Variants in PTGR2 observed in about 807,000 individuals in gnomAD.
PTGR2 encodes the protein 15-oxoprostaglandin 13-reductase.
Under a neutral mutation model 43.4 loss-of-function variants are expected in PTGR2, and 32 were observed. The observed-to-expected ratio is 0.74, with a 90% CI of 0.56 to 0.99. The LOEUF is 0.99. Ranked by LOEUF, PTGR2 falls within the 50% of genes least tolerant of loss-of-function variation. The pLI, the probability that PTGR2 is intolerant of heterozygous loss-of-function variation, is 0.00. For missense variants in PTGR2, 373 were observed against 420.0 expected, an observed-to-expected ratio of 0.89 and a Z score of 0.98; for synonymous variants, 106 against 139.2, an observed-to-expected ratio of 0.76 and a Z score of 1.68.
At chr14:73,870,464 G>A (rs2054702330) in intron 3 of PTGR2, among the ~76,000 whole-genome samples, 1 of 152,070 alleles carries the variant, frequency 6.6e-6, no homozygotes, top group Admixed American at 6.6e-5. Context: ...ACAGACATGA[G>A]CCACCACACC....
At chr14:73,854,651 G>C (rs533427316) in intron 1 of PTGR2, among the ~76,000 whole-genome samples, 1 of 152,240 alleles carries the variant, frequency 6.6e-6, no homozygotes, top group Non-Finnish European at 1.5e-5. Flanking sequence ...ATTTCATTTG[G>C]AAAGACTGCT....
Position 73,874,121 on chromosome 14 carries a change from C to A in PTGR2, c.255C>A (p.Ser85Arg), listed in dbSNP as rs1348862536. Residue 85 changes from serine (S) to arginine (R), a missense_variant, in exon 4 of 10, where the codon AGC becomes AGA. By Grantham distance (110) the Ser-to-Arg change is moderately radical (BLOSUM62 -1). Transcript: ENST00000555661. ...DGGGIGIIEE[S>R]KHTNLTKGDF... ...GAGGTATTGGAATTATAGAAGAAAGCAAACACACAAATTTGACTAAAGGCG... is the reference window on the plus strand; with the variant it reads ...GAGGTATTGGAATTATAGAAGAAAGAAAACACACAAATTTGACTAAAGGCG... 1.2e-6 allele frequency: 2 copies of A among 1,613,738 alleles called. No homozygotes were observed. The highest frequency in any genetic ancestry group is 1.7e-5 in the Admixed American group (1 of 59,960).
intron 3 of PTGR2, among the ~76,000 whole-genome samples, chr14:73,863,499 A>T (rs1214067771): frequency 6.6e-6 from 1 of 152,158 alleles, no homozygotes; most frequent in Non-Finnish European, 1.5e-5. Context: ...TTTTTAAAAA[A>T]ACATTTTAAA....
intron 3 of PTGR2, among the ~76,000 whole-genome samples, chr14:73,871,517 C>T (rs928337592): frequency 2.6e-5 from 4 of 151,514 alleles, no homozygotes; most frequent in Admixed American, 6.6e-5. Flanking sequence ...CAAATTAAAC[C>T]AAAGGAGAGG....
At chr14:73,865,900 A>G (rs891028230) in intron 3 of PTGR2, among the ~76,000 whole-genome samples, 1 of 152,162 alleles carries the variant, frequency 6.6e-6, no homozygotes, top group Non-Finnish European at 1.5e-5. Flanking sequence ...TTTCAACTCT[A>G]TTCTAGCAAT....
intron 3 of PTGR2, among the ~76,000 whole-genome samples, chr14:73,861,883 CTT>C (rs112705654): frequency 1.4e-5 from 2 of 141,012 alleles, no homozygotes; most frequent in Admixed American, 7.1e-5. Flanking sequence ...AACTTAGTGG[CTT>C]TTTTTTTTTT....
chr14:73,882,596 G>A (rs2055015841), intron 9 of PTGR2, among the ~76,000 whole-genome samples, 158 bp downstream of exon 9: 1 of 152,080 alleles, frequency 6.6e-6, no homozygotes, highest in Non-Finnish European at 1.5e-5. Context: ...CGCCTTCCAG[G>A]CTCACGCCAT....
At chr14:73,877,233 A>G in intron 5 of PTGR2, 65 bp downstream of exon 5, 1 of 1,397,996 alleles carries the variant, frequency 7.2e-7, no homozygotes, top group African/African-American at 1.4e-5. Context: ...CTTAATTGAA[A>G]TTCCGGATAT....
chr14:73,869,588 A>AT (rs1315895456), intron 3 of PTGR2, among the ~76,000 whole-genome samples: 1 of 151,982 alleles, frequency 6.6e-6, no homozygotes, highest in Non-Finnish European at 1.5e-5. Flanking sequence ...AAAAAAAAAA[A>AT]AGTTTATGAA....
chr14:73,885,572 A>T lies in PTGR2; in HGVS notation c.*1395A>T, dbSNP rs906128358. On this transcript the variant is annotated 3_prime_UTR_variant, in exon 10 of 10. Coordinates refer to ENST00000555661, the MANE Select transcript of PTGR2 (RefSeq NM_001146154.2). ...GTAATCAGCCTCCCCAGTTTTCGTG[A>T]GTGGCCCTTTTTTGTTACTTTTCCT... 6.6e-6 allele frequency: 1 copy of T among 152,116 alleles called. No homozygotes were observed. The highest frequency in any genetic ancestry group is 2.4e-5 in the African/African-American group (1 of 41,426). 9.4% of individuals were successfully genotyped at this position (152,116 alleles called of 1,614,324 possible).
chr14:73,876,757 G>A (rs927936411), intron 4 of PTGR2, among the ~76,000 whole-genome samples: 36 of 152,108 alleles, frequency 2.4e-4, no homozygotes, highest in African/African-American at 7.0e-4. Flanking sequence ...GATTACAGAT[G>A]TGAGCCACTG....
At chr14:73,858,753 T>A in intron 1 of PTGR2, 63 bp from the exon 2 acceptor site, 3 of 766,228 alleles carry the variant, frequency 3.9e-6, no homozygotes, top group Non-Finnish European at 6.0e-6. Context: ...AATGGACTTC[T>A]TTTTTATTTT....
intron 3 of PTGR2, 75 bp downstream of exon 3, chr14:73,860,732 T>G (rs2054471079): frequency 1.3e-6 from 1 of 770,768 alleles, no homozygotes; most frequent in Non-Finnish European, 2.3e-6. Flanking sequence ...CTGAATCTTA[T>G]TGTGCAGTCC....
At chr14:73,875,390 G>C (rs1220744540) in intron 4 of PTGR2, among the ~76,000 whole-genome samples, 1 of 151,900 alleles carries the variant, frequency 6.6e-6, no homozygotes, top group Non-Finnish European at 1.5e-5. Flanking sequence ...CTGTTGCCCA[G>C]GCTGGAGCGC....
At chr14:73,873,545 A>C (rs2054786156) in intron 3 of PTGR2, among the ~76,000 whole-genome samples, 2 of 149,518 alleles carry the variant, frequency 1.3e-5, no homozygotes, top group African/African-American at 2.5e-5. Context: ...GCTCACTGCA[A>C]CCTCCACCTC....
chr14:73,871,929 G>T (rs866394392), intron 3 of PTGR2, among the ~76,000 whole-genome samples: 1 of 152,176 alleles, frequency 6.6e-6, no homozygotes, highest in South Asian at 2.1e-4. Context: ...GTGGGAGGTG[G>T]CACACAAGCA....
At chr14:73,876,483 C>CTTTTTTTTTTTTTTTTTTTTTTTTT (rs766810794) in intron 4 of PTGR2, among the ~76,000 whole-genome samples, 16 of 108,566 alleles carry the variant, frequency 1.5e-4, no homozygotes, top group Non-Finnish European at 2.2e-4. Context: ...GACATAAGTC[C>CTTTTTTTTTTTTTTTTTTTTTTTTT]TTTTTTTTTT....
chr14:73,882,628 G>A (rs1436983874), intron 9 of PTGR2, among the ~76,000 whole-genome samples, 190 bp downstream of exon 9: 1 of 151,894 alleles, frequency 6.6e-6, no homozygotes, highest in Admixed American at 6.6e-5. Context: ...AGCCTCCCAA[G>A]TAGCTGGGAC....
intron 9 of PTGR2, among the ~76,000 whole-genome samples, chr14:73,883,021 A>G (rs997930517): frequency 2.0e-5 from 3 of 147,086 alleles, no homozygotes; most frequent in African/African-American, 7.6e-5. Flanking sequence ...GGGTTTCAAC[A>G]TATTGGCCAG....
Sources: allele counts gnomAD v4.1 joint callset (sites outside exome capture counted in the v4.1 genomes callset), GRCh38; gene constraint gnomAD v4.1.1; transcripts MANE v1.5; gene names NCBI Gene and HGNC (gene_info 2026-07-23, HGNC 2026-07-21).